The following MAGI2 variants were observed in gnomAD, a reference collection of about 807,000 sequenced individuals.
The protein encoded by MAGI2 is membrane-associated guanylate kinase, WW and PDZ domain-containing protein 2.
A neutral mutation model predicts 133.3 loss-of-function variants in MAGI2; 35 were observed. The ratio of observed to expected loss-of-function variants is 0.26; its 90% CI spans 0.20 to 0.35. The LOEUF is 0.35. Ranked by LOEUF, MAGI2 falls within the 10% of genes least tolerant of loss-of-function variation. The pLI, the probability that MAGI2 is intolerant of heterozygous loss-of-function variation, is 1.00. For synonymous variants in MAGI2, 729 were observed against 710.6 expected (o/e 1.03, Z -0.41); for missense variants, 1,636 against 1,863.4 (o/e 0.88, Z 2.25).
At chr7:78,812,503 C>G (rs1273057213) in intron 2 of MAGI2, among the ~76,000 whole-genome samples, 1 of 151,910 alleles carries the variant, frequency 6.6e-6, no homozygotes, top group East Asian at 1.9e-4. Context: ...TAAAACCAGC[C>G]CAATATGGTA....
intron 7 of MAGI2, among the ~76,000 whole-genome samples, chr7:78,363,966 G>C (rs1266686218): frequency 6.6e-6 from 1 of 152,210 alleles, no homozygotes; most frequent in African/African-American, 2.4e-5. Context: ...CATGCACGAA[G>C]TGCACAATAA....
At chr7:78,528,375 A>G (rs998882958) in intron 3 of MAGI2, among the ~76,000 whole-genome samples, 2 of 152,220 alleles carry the variant, frequency 1.3e-5, no homozygotes, top group Non-Finnish European at 2.9e-5. Context: ...GTATATTAAT[A>G]GAAATGGATA....
chr7:78,464,946 TTCAA>T (rs1790464050), intron 6 of MAGI2, among the ~76,000 whole-genome samples: 1 of 152,128 alleles, frequency 6.6e-6, no homozygotes, highest in African/African-American at 2.4e-5. Context: ...AGTTTATAAA[TTCAA>T]TAATACTATC....
At chr7:79,107,400 A>G (rs1818534210) in intron 1 of MAGI2, among the ~76,000 whole-genome samples, 1 of 152,334 alleles carries the variant, frequency 6.6e-6, no homozygotes, top group Admixed American at 6.5e-5. Flanking sequence ...ACCTGAATGA[A>G]CCTGAAAGTG....
At position 78,499,055 on chromosome 7, in the gene MAGI2, AAACAACAACAAC is replaced by A. The variant is rs147914906; in HGVS notation, c.965+2510_965+2521del. Among the ~76,000 whole-genome samples, 247 of 150,472 alleles carry A rather than the reference AAACAACAACAAC, an allele frequency of 1.6e-3. 1 individual carries two copies. Among genetic ancestry groups the A allele is most frequent in the African/African-American group, 5.7e-3 (234 of 41,142 alleles). On this transcript the variant is annotated intron_variant, in intron 5 of 21. Coordinates refer to ENST00000354212, the MANE Select transcript of MAGI2 (RefSeq NM_012301.4). ...AGGAAGATTAAAAAACTACAAACTC[AAACAACAACAAC>A]AACAACAACAACAACAACAAAATGC...
At chr7:78,856,944 G>A (rs1275750009) in intron 2 of MAGI2, among the ~76,000 whole-genome samples, 1 of 152,130 alleles carries the variant, frequency 6.6e-6, no homozygotes, top group African/African-American at 2.4e-5. Flanking sequence ...GTGGTTTGTA[G>A]TTCTCCTTGA....
chr7:78,310,879 C>T (rs537301903), intron 9 of MAGI2, among the ~76,000 whole-genome samples: 2 of 152,280 alleles, frequency 1.3e-5, no homozygotes, highest in East Asian at 3.9e-4. Flanking sequence ...TGATATTTGA[C>T]ATAATGTTGG....
At chr7:78,514,006 T>C (rs1795825239) in intron 4 of MAGI2, among the ~76,000 whole-genome samples, 1 of 144,458 alleles carries the variant, frequency 6.9e-6, no homozygotes, top group Non-Finnish European at 1.5e-5. Context: ...GAGAATTGCT[T>C]GAACCCAGGA....
At chr7:78,649,731 G>T (rs1163892158) in intron 2 of MAGI2, among the ~76,000 whole-genome samples, 4 of 152,052 alleles carry the variant, frequency 2.6e-5, no homozygotes, top group Non-Finnish European at 5.9e-5. Flanking sequence ...TGTTGTTATA[G>T]GTATCAGGTC....
At chr7:78,854,546 T>G (rs1331599702) in intron 2 of MAGI2, among the ~76,000 whole-genome samples, 1 of 152,176 alleles carries the variant, frequency 6.6e-6, no homozygotes, top group Non-Finnish European at 1.5e-5. Context: ...TGTTGAGTGT[T>G]GAATGTAACA....
At chr7:78,682,587 G>A (rs778845605) in intron 2 of MAGI2, among the ~76,000 whole-genome samples, 9 of 152,140 alleles carry the variant, frequency 5.9e-5, no homozygotes, top group Non-Finnish European at 1.3e-4. Flanking sequence ...ATTCCATGGT[G>A]TATATGTGCC....
intron 21 of MAGI2, among the ~76,000 whole-genome samples, chr7:78,050,640 G>A (rs1472763604): frequency 2.0e-5 from 3 of 152,056 alleles, no homozygotes; most frequent in Non-Finnish European, 4.4e-5. Flanking sequence ...TGCAGGTTAG[G>A]CTGGTCAGAA....
intron 1 of MAGI2, among the ~76,000 whole-genome samples, chr7:79,370,954 A>T (rs1481026326): frequency 6.6e-6 from 1 of 152,026 alleles, no homozygotes; most frequent in African/African-American, 2.4e-5. Context: ...TTTTTCAGGG[A>T]TCTCATGGCT....
At chr7:78,891,756 A>G (rs1584301308) in intron 2 of MAGI2, among the ~76,000 whole-genome samples, 1 of 152,308 alleles carries the variant, frequency 6.6e-6, no homozygotes, top group South Asian at 2.1e-4. Flanking sequence ...TCTATGACAA[A>G]CCCACAGCCA....
At chr7:79,171,895 AT>A (rs1825663998) in intron 1 of MAGI2, among the ~76,000 whole-genome samples, 2 of 150,700 alleles carry the variant, frequency 1.3e-5, no homozygotes, top group African/African-American at 4.9e-5. Context: ...GTCTTAGGTC[AT>A]TTGAGATGGT....
At chr7:79,256,823 ATC>A (rs1283036679) in intron 1 of MAGI2, among the ~76,000 whole-genome samples, 1 of 152,042 alleles carries the variant, frequency 6.6e-6, no homozygotes, top group Admixed American at 6.6e-5. Flanking sequence ...AATAAAATAA[ATC>A]TCTCTCCTCT....
intron 2 of MAGI2, among the ~76,000 whole-genome samples, chr7:78,997,475 G>A (rs770270061): frequency 5.3e-5 from 8 of 151,848 alleles, no homozygotes; most frequent in African/African-American, 7.3e-5. Flanking sequence ...GGTGGTGGTC[G>A]CCTGTAATCC....
At chr7:78,288,557 A>G (rs892501601) in intron 9 of MAGI2, among the ~76,000 whole-genome samples, 5 of 152,192 alleles carry the variant, frequency 3.3e-5, no homozygotes, top group East Asian at 1.9e-4. Context: ...GCAATGCAGA[A>G]GATGGATGAT....
chr7:78,978,810 A>G (rs764474891), intron 2 of MAGI2, among the ~76,000 whole-genome samples: 1 of 151,870 alleles, frequency 6.6e-6, no homozygotes, highest in Non-Finnish European at 1.5e-5. Context: ...CTGAAAGATT[A>G]AATGCAAGGG....
Sources: gnomAD v4.1 joint callset for allele counts (sites outside exome capture counted in the v4.1 genomes callset) on GRCh38, gnomAD v4.1.1 for gene constraint, MANE v1.5 for transcripts, NCBI Gene and HGNC (gene_info 2026-07-23, HGNC 2026-07-21) for gene names.